The following ERBB4 variants were observed in gnomAD, a reference collection of about 807,000 sequenced individuals.
ERBB4 encodes receptor tyrosine-protein kinase erbB-4.
In ERBB4, 42 loss-of-function variants were observed where a neutral mutation model predicts 158.0. The observed-to-expected ratio is 0.27, with a 90% CI of 0.21 to 0.34. The LOEUF (loss-of-function observed/expected upper bound fraction) is 0.34. Among genes scored for constraint, ERBB4 ranks in the 10% least tolerant of loss-of-function variants. The probability of loss-of-function intolerance (pLI) is 1.00; values close to 1 mark genes in which losing one functional copy is unlikely to be tolerated. For missense variants in ERBB4, 1,333 were observed against 1,624.1 expected, an observed-to-expected ratio of 0.82 and a Z score of 3.08; for synonymous variants, 583 against 558.7, an observed-to-expected ratio of 1.04 and a Z score of -0.61.
At chr2:211,869,420 T>C (rs1021055627) in intron 3 of ERBB4, among the ~76,000 whole-genome samples, 1 of 152,198 alleles carries the variant, frequency 6.6e-6, no homozygotes, top group Non-Finnish European at 1.5e-5. Context: ...TAACATGATA[T>C]TTCCAACCTT....
chr2:211,665,877 T>G (rs2071612441), intron 14 of ERBB4, among the ~76,000 whole-genome samples: 1 of 152,214 alleles, frequency 6.6e-6, no homozygotes, highest in Non-Finnish European at 1.5e-5. Context: ...CTGGCAATAT[T>G]ATAGTGCAGC....
In ERBB4 at chr2:211,835,680, A is replaced by G. The variant is rs1201929402; in HGVS notation, c.422-47521T>C. Among the ~76,000 whole-genome samples, 3 of 152,036 alleles carry G rather than the reference A, an allele frequency of 2.0e-5. No homozygotes were observed. In the East Asian group the frequency reaches 5.8e-4, roughly 29 times the overall value. ...CAAAGAATTCAGTCTTTGAATTCCT[A>G]TGTCATTTTATTTTTTGGTAGGTTC... On this transcript the variant is annotated intron_variant, in intron 3 of 27. Coordinates refer to ENST00000342788, the MANE Select transcript of ERBB4 (RefSeq NM_005235.3).
At chr2:212,130,695 T>C (rs1441721341) in intron 1 of ERBB4, among the ~76,000 whole-genome samples, 1 of 152,140 alleles carries the variant, frequency 6.6e-6, no homozygotes, top group East Asian at 1.9e-4. Flanking sequence ...TATCAGTTTA[T>C]CAATTAAGAA....
intron 1 of ERBB4, among the ~76,000 whole-genome samples, chr2:212,424,408 T>C (rs2091860887): frequency 6.6e-6 from 1 of 152,082 alleles, no homozygotes; most frequent in Non-Finnish European, 1.5e-5. Flanking sequence ...CTATTCCCCA[T>C]GCACATATAT....
chr2:211,540,339 T>C (rs1400711988), intron 20 of ERBB4, among the ~76,000 whole-genome samples: 1 of 151,738 alleles, frequency 6.6e-6, no homozygotes, highest in East Asian at 1.9e-4. Context: ...CCTTTAAGAA[T>C]CATAATCTGG....
chr2:212,324,493 T>C (rs910321435), intron 1 of ERBB4, among the ~76,000 whole-genome samples: 7 of 149,692 alleles, frequency 4.7e-5, no homozygotes, highest in African/African-American at 1.7e-4. Context: ...TTGTTTTTTT[T>C]TCCTTTAGTT....
intron 1 of ERBB4, among the ~76,000 whole-genome samples, chr2:212,390,869 T>C (rs2090833892): frequency 6.6e-6 from 1 of 151,866 alleles, no homozygotes; most frequent in Non-Finnish European, 1.5e-5. Context: ...ACTTTATATA[T>C]AGCACAGTTT....
chr2:212,202,881 AG>A (rs1321389979), intron 1 of ERBB4, among the ~76,000 whole-genome samples: 1 of 152,034 alleles, frequency 6.6e-6, no homozygotes, highest in Non-Finnish European at 1.5e-5. Context: ...TATGTATATT[AG>A]TTTCTGGTAA....
chr2:212,060,048 C>A (rs933984520), intron 2 of ERBB4, among the ~76,000 whole-genome samples: 34 of 152,162 alleles, frequency 2.2e-4, no homozygotes, highest in African/African-American at 8.2e-4. Context: ...ACTCATCTGA[C>A]AAAGGGCTAA....
chr2:212,021,822 CA>C (rs773460142), intron 2 of ERBB4, among the ~76,000 whole-genome samples: 21 of 150,516 alleles, frequency 1.4e-4, no homozygotes, highest in Non-Finnish European at 2.2e-4. Flanking sequence ...ATTTCTTAAA[CA>C]AATTTACAAG....
chr2:211,741,119 T>A (rs940783337), intron 5 of ERBB4, among the ~76,000 whole-genome samples: 9 of 152,172 alleles, frequency 5.9e-5, no homozygotes, highest in African/African-American at 2.2e-4. Flanking sequence ...GGCTGTCCTA[T>A]TCATCAGAAG....
chr2:211,491,655 G>C (rs2065346271), intron 20 of ERBB4, among the ~76,000 whole-genome samples: 1 of 151,878 alleles, frequency 6.6e-6, no homozygotes, highest in South Asian at 2.1e-4. Flanking sequence ...TCTTAGGAAT[G>C]GTAATTAGGA....
intron 2 of ERBB4, among the ~76,000 whole-genome samples, chr2:212,016,352 G>A (rs575121084): frequency 2.0e-5 from 3 of 151,808 alleles, no homozygotes; most frequent in South Asian, 2.1e-4. Context: ...GAAAAAAGAC[G>A]AATTATGAGA....
chr2:212,411,275 A>G (rs1459463788), intron 1 of ERBB4, among the ~76,000 whole-genome samples: 1 of 152,144 alleles, frequency 6.6e-6, no homozygotes, highest in South Asian at 2.1e-4. Flanking sequence ...GGCTACAAGC[A>G]GTCCTTAAAT....
At chr2:211,986,262 A>T (rs373314747) in intron 2 of ERBB4, among the ~76,000 whole-genome samples, 135 of 152,244 alleles carry the variant, frequency 8.9e-4, no homozygotes, top group African/African-American at 2.5e-3. Context: ...GAGAAAAGAA[A>T]TTTCTATGGT....
intron 15 of ERBB4, among the ~76,000 whole-genome samples, chr2:211,660,694 A>C (rs533327940): frequency 6.6e-6 from 1 of 152,286 alleles, no homozygotes; most frequent in East Asian, 1.9e-4. Context: ...AGCATGTAGG[A>C]GAAAGTTGAA....
chr2:211,860,069 AT>A (rs1033229141), intron 3 of ERBB4, among the ~76,000 whole-genome samples: 5 of 152,196 alleles, frequency 3.3e-5, no homozygotes, highest in African/African-American at 1.2e-4. Flanking sequence ...CTTGTCATTC[AT>A]TTTAAATATT....
At chr2:212,342,944 T>C (rs1022502769) in intron 1 of ERBB4, among the ~76,000 whole-genome samples, 10 of 152,186 alleles carry the variant, frequency 6.6e-5, no homozygotes, top group African/African-American at 2.4e-4. Flanking sequence ...TCTAAACCAG[T>C]TGAATTTTTC....
chr2:211,894,090 T>G (rs1269529860), intron 3 of ERBB4, among the ~76,000 whole-genome samples: 1 of 124,504 alleles, frequency 8.0e-6, no homozygotes, highest in African/African-American at 3.2e-5. Flanking sequence ...TAAATCATGC[T>G]GCTATAAAGA....
Sources: allele counts gnomAD v4.1 joint callset (sites outside exome capture counted in the v4.1 genomes callset), GRCh38; gene constraint gnomAD v4.1.1; transcripts MANE v1.5; gene names NCBI Gene and HGNC (gene_info 2026-07-23, HGNC 2026-07-21).